MARVELD3: variants seen among roughly 807,000 people sequenced by gnomAD.
MARVELD3 encodes the protein MARVEL domain-containing protein 3.
A neutral mutation model predicts 33.5 loss-of-function variants in MARVELD3; 28 were observed. The ratio of observed to expected loss-of-function variants is 0.84; its 90% CI spans 0.62 to 1.15. MARVELD3 has a LOEUF of 1.15. Ranked by LOEUF, MARVELD3 falls within the 50% of genes most tolerant of loss-of-function variation. MARVELD3 has a pLI of 0.00. For synonymous variants in MARVELD3, 241 were observed against 230.4 expected (o/e 1.05, Z -0.42); for missense variants, 582 against 547.6 (o/e 1.06, Z -0.63).
chr16:71,634,952 T>G lies in MARVELD3; in HGVS notation c.*149T>G. On this transcript the variant is annotated 3_prime_UTR_variant, in exon 3 of 3. Transcript: ENST00000268485. ...GTGGTGGGCGGAGCTCCCAGTCGCA[T>G]GGAGCGGTGTTCATGGATGCAACAG... is the stretch of plus-strand genomic sequence containing the variant. The G allele has an allele frequency of 7.0e-7, 1 of 1,431,452 alleles. No homozygotes were observed. Among genetic ancestry groups the G allele is most frequent in the East Asian group, 2.5e-5 (1 of 39,328 alleles). 88.7% of individuals were successfully genotyped at this position (1,431,452 alleles called of 1,614,324 possible). A position where few individuals can be genotyped will look rare whatever the true frequency, so the allele number is the denominator to read the frequency against.
chr16:71,627,737 T>C (rs1404307267), intron 1 of MARVELD3, among the ~76,000 whole-genome samples: 1 of 138,690 alleles, frequency 7.2e-6, no homozygotes, highest in Non-Finnish European at 1.5e-5. Context: ...AGGAGAAAGG[T>C]TCAGGGTGTA....
chr16:71,636,538 T>G (rs1195152277), downstream of MARVELD3: 1 of 152,178 alleles, frequency 6.6e-6, no homozygotes, highest in African/African-American at 2.4e-5. Flanking sequence ...GTTAAGCAGA[T>G]TATTAAATGA....
chr16:71,629,642 TAAAAAA>T, intron 2 of MARVELD3, 148 bp downstream of exon 2: 4 of 324,918 alleles, frequency 1.2e-5, no homozygotes, highest in South Asian at 1.2e-4. Context: ...CTTGTTTTCT[TAAAAAA>T]AAAAAAAAAA....
chr16:71,631,564 C>A (rs1297904192), intron 2 of MARVELD3, among the ~76,000 whole-genome samples: 1 of 152,076 alleles, frequency 6.6e-6, no homozygotes, highest in Non-Finnish European at 1.5e-5. Flanking sequence ...ATTCTCCTGC[C>A]TCAGCCTCCC....
chr16:71,637,093 C>A (rs1430145308), downstream of MARVELD3, among the ~76,000 whole-genome samples: 1 of 152,148 alleles, frequency 6.6e-6, no homozygotes, highest in East Asian at 1.9e-4. Context: ...CTTGAGCCTG[C>A]CTTGATATTG....
downstream of MARVELD3, among the ~76,000 whole-genome samples, chr16:71,640,006 C>T (rs1208146957): frequency 1.3e-5 from 2 of 152,214 alleles, no homozygotes; most frequent in South Asian, 2.1e-4. Context: ...AGGTGGCTTA[C>T]GCCTGTAATC....
In MARVELD3 at chr16:71,629,371, C is replaced by A. The variant is rs1463193648; in HGVS notation, c.472C>A (p.Pro158Thr). The A allele has an allele frequency of 1.3e-6, 2 of 1,544,558 alleles. No homozygotes were observed. Among genetic ancestry groups the A allele is most frequent in the East Asian group, 5.1e-5 (2 of 39,070 alleles). ...DPGRRRPESEPPSERYLPSTP... is the reference protein window; with the variant it reads ...DPGRRRPESETPSERYLPSTP... ...ATGTATGCTTTTTGGTTATAGTGAA[C>A]CCCCTTCGGAGAGATATCTGCCCTC... The change falls in exon 2 of 3, where the codon CCC (proline) becomes ACC (threonine). Residue 158 changes from proline (P) to threonine (T), a missense_variant. Coordinates refer to ENST00000268485, the MANE Select transcript of MARVELD3 (RefSeq NM_052858.6).
At chr16:71,630,598 T>A (rs1342343971) in intron 2 of MARVELD3, among the ~76,000 whole-genome samples, 2 of 150,790 alleles carry the variant, frequency 1.3e-5, no homozygotes. Context: ...CACTCTAGCC[T>A]GGGCAACAAG....
chr16:71,641,053 G>A (rs760720819), downstream of MARVELD3: 7 of 1,575,720 alleles, frequency 4.4e-6, no homozygotes, highest in South Asian at 1.1e-5. Flanking sequence ...AAATGTGAAC[G>A]CACATTGTTT....
Position 71,635,058 on chromosome 16 carries a change from C to A in MARVELD3, c.*255C>A. On this transcript the variant is annotated 3_prime_UTR_variant, in exon 3 of 3. Transcript: ENST00000268485. ...AAAGCAAAAAAATGGCCGGCCTCGG[C>A]GGCTCACACCTGTAACCCCAGCACT... 3 of 1,148,648 alleles carry A rather than the reference C, an allele frequency of 2.6e-6. No homozygotes were observed. The highest frequency in any genetic ancestry group is 5.5e-5 in the East Asian group (1 of 18,256). The allele number at this position is 1,148,648 out of a possible 1,614,324, so 71.2% of individuals were successfully genotyped here.
downstream of MARVELD3, among the ~76,000 whole-genome samples, chr16:71,636,778 A>G (rs548623056): frequency 7.9e-5 from 12 of 152,178 alleles, no homozygotes; most frequent in East Asian, 1.5e-3. Context: ...TTTAGTAGAG[A>G]TGGGGTTTCA....
intron 2 of MARVELD3, among the ~76,000 whole-genome samples, chr16:71,632,800 C>T (rs1345819499): frequency 6.6e-6 from 1 of 151,678 alleles, no homozygotes; most frequent in African/African-American, 2.4e-5. Flanking sequence ...TTAGTAGAGA[C>T]AGGGTTTCAC....
At chr16:71,632,813 T>C (rs1213132974) in intron 2 of MARVELD3, among the ~76,000 whole-genome samples, 2 of 151,872 alleles carry the variant, frequency 1.3e-5, no homozygotes, top group Non-Finnish European at 2.9e-5. Context: ...GGTTTCACCA[T>C]GTTGGCCAGG....
chr16:71,641,180 TG>T (rs1567607732), downstream of MARVELD3: 1 of 947,978 alleles, frequency 1.1e-6, no homozygotes, highest in African/African-American at 1.7e-5. Context: ...AGGACGGGCA[TG>T]GTGGCTCATG....
In MARVELD3 at chr16:71,629,449, G is replaced by C; in HGVS notation, c.550G>C (p.Gly184Arg). 1.3e-6 allele frequency: 2 copies of C among 1,579,902 alleles called. No homozygotes were observed. The highest frequency in any genetic ancestry group is 1.4e-5 in the African/African-American group (1 of 72,780). Residue 184 changes from glycine to arginine, a missense_variant, in exon 2 of 3, where the codon GGA becomes CGA. Transcript: ENST00000268485. ...GGAATATTACCAGTCAGAGGCGGAA[G>C]GACTCCTGGAATGCCACAAATGCAA... The part of the protein sequence containing the change: ...EVEYYQSEAE[G>R]LLECHKCKYL...
intron 1 of MARVELD3, among the ~76,000 whole-genome samples, chr16:71,627,313 G>A (rs1239047576): frequency 6.6e-6 from 1 of 152,194 alleles, no homozygotes; most frequent in African/African-American, 2.4e-5. Flanking sequence ...GACCAGCCTG[G>A]CCAACATGGT....
chr16:71,640,618 T>C, downstream of MARVELD3: 1 of 1,614,212 alleles, frequency 6.2e-7, no homozygotes, highest in Non-Finnish European at 8.5e-7. Flanking sequence ...GCTGTTTCTC[T>C]GGGTCTGGGG....
chr16:71,640,747 T>C (rs2044612215), downstream of MARVELD3: 2 of 1,614,064 alleles, frequency 1.2e-6, no homozygotes, highest in African/African-American at 1.3e-5. Context: ...TGCACAGGCA[T>C]TGGTGTTTAC....
At chr16:71,640,232 A>T (rs565875110), downstream of MARVELD3, among the ~76,000 whole-genome samples, 1 of 150,718 alleles carries the variant, frequency 6.6e-6, no homozygotes, top group Non-Finnish European at 1.5e-5. Flanking sequence ...ACACCATTGC[A>T]CTCCAGCCTG....
Sources: allele counts gnomAD v4.1 joint callset (sites outside exome capture counted in the v4.1 genomes callset), GRCh38; gene constraint gnomAD v4.1.1; transcripts MANE v1.5; gene names NCBI Gene and HGNC (gene_info 2026-07-23, HGNC 2026-07-21).